Variants in COQ9 observed in about 807,000 individuals in gnomAD.
COQ9 encodes the protein ubiquinone biosynthesis protein COQ9, mitochondrial.
In COQ9, 35 loss-of-function variants were observed where a neutral mutation model predicts 42.4. The observed-to-expected ratio is 0.83, with a 90% CI of 0.63 to 1.10. The LOEUF (loss-of-function observed/expected upper bound fraction) is 1.10, where lower values mean the gene tolerates loss of function less well. COQ9 is among the 50% of genes least tolerant of loss of function. COQ9 has a pLI of 0.00. For synonymous variants in COQ9, 155 were observed against 155.1 expected, an observed-to-expected ratio of 1.00 and a Z score of 0.00; for missense variants, 406 against 414.6, an observed-to-expected ratio of 0.98 and a Z score of 0.18.
At chr16:57,458,036 C>T in intron 5 of COQ9, 2 of 589,466 alleles carry the variant, frequency 3.4e-6, no homozygotes, top group African/African-American at 1.8e-5. Flanking sequence ...TGTGCTTGGG[C>T]TTGCATAAGA....
intron 3 of COQ9, 63 bp from the exon 4 acceptor site, chr16:57,456,441 C>T: frequency 6.4e-7 from 1 of 1,574,564 alleles, no homozygotes; most frequent in South Asian, 1.1e-5. Flanking sequence ...TAGTGATGAA[C>T]AGGCAACAAA....
intron 3 of COQ9, chr16:57,453,481 C>T (rs2030335911): frequency 5.1e-6 from 1 of 194,886 alleles, no homozygotes; most frequent in African/African-American, 2.4e-5. Context: ...AGGCAGCAGG[C>T]TCATGTTCAG....
Position 57,461,143 on chromosome 16 carries a change from C to G in COQ9, c.*519C>G, listed in dbSNP as rs1468908594. 2.2e-6 allele frequency: 1 copy of G among 455,678 alleles called. No individual in the cohort carries two copies. Among genetic ancestry groups the G allele is most frequent in the Admixed American group, 2.3e-5 (1 of 42,576 alleles). The allele number at this position is 455,678 out of a possible 1,614,324, so 28.2% of individuals were successfully genotyped here. On this transcript the variant is annotated 3_prime_UTR_variant, in exon 9 of 9. Coordinates refer to ENST00000262507, the MANE Select transcript of COQ9 (RefSeq NM_020312.4). The stretch of plus-strand genomic sequence containing the variant: ...TGGGAGCCCCCTCAGAAAACTGCCT[C>G]ACCTGAGACAAGTGCCTGCTGGACA...
At position 57,459,608 on chromosome 16, in the gene COQ9, A is replaced by G. The variant is rs566942305; in HGVS notation, c.755A>G (p.Asn252Ser). ...TRRAMLAAIYNTTELVMMQDS... is the reference protein window; with the variant it reads ...TRRAMLAAIYSTTELVMMQDS... Reference sequence around the variant, plus strand: ...CGAGCCATGCTGGCTGCCATCTACAACACAACAGAGCTGGTGATGATGCAG... The same window carrying G: ...CGAGCCATGCTGGCTGCCATCTACAGCACAACAGAGCTGGTGATGATGCAG... Residue 252 changes from asparagine to serine, a missense_variant, in exon 7 of 9, where the codon AAC becomes AGC. Transcript: ENST00000262507. The G allele has an allele frequency of 1.2e-6, 2 of 1,614,150 alleles. No homozygotes were observed. Among genetic ancestry groups the G allele is most frequent in the Admixed American group, 1.7e-5 (1 of 60,014 alleles).
Position 57,456,547 on chromosome 16 carries a change from A to G in COQ9, c.422A>G (p.Asp141Gly), listed in dbSNP as rs376404526. The change falls in exon 4 of 9, where the codon GAT becomes GGT. Residue 141 changes from aspartate to glycine, a missense_variant. Physicochemically the swap from Asp to Gly is moderately conservative, Grantham distance 94. Transcript: ENST00000262507. Reference sequence around the variant, plus strand: ...GCAGCAGCCAGCATGTTCGGGAAGGATGGCAGTGAGCTAATACTGCATTTT... The same window carrying G: ...GCAGCAGCCAGCATGTTCGGGAAGGGTGGCAGTGAGCTAATACTGCATTTT... ...SSAAASMFGK[D>G]GSELILHFVT... is the part of the protein sequence containing the mutation. 12 of 1,614,040 alleles carry G rather than the reference A, an allele frequency of 7.4e-6. No homozygotes were observed. The highest frequency in any genetic ancestry group is 9.3e-6 in the Non-Finnish European group (11 of 1,180,028).
In COQ9 at chr16:57,447,525, C is replaced by G; in HGVS notation, c.20C>G (p.Ser7Cys). MAAAAV[S>C]GALGRAGWRL... ...TCCAAAATGGCGGCGGCGGCGGTAT[C>G]TGGTGCGCTTGGCCGGGCGGGCTGG... Residue 7 changes from serine to cysteine, a missense_variant, in exon 1 of 9, where the codon TCT (serine) becomes TGT (cysteine). Coordinates refer to ENST00000262507, the MANE Select transcript of COQ9 (RefSeq NM_020312.4). The G allele has an allele frequency of 2.3e-6, 3 of 1,310,872 alleles. No individual in the cohort carries two copies. The highest frequency in any genetic ancestry group is 2.9e-6 in the Non-Finnish European group (3 of 1,024,578). 81.2% of individuals were successfully genotyped at this position (1,310,872 alleles called of 1,614,324 possible). A position where few individuals can be genotyped will look rare whatever the true frequency, so the allele number is the denominator to read the frequency against.
At chr16:57,454,019 A>G (rs1378691480) in intron 3 of COQ9, 1 of 152,210 alleles carries the variant, frequency 6.6e-6, no homozygotes, top group Non-Finnish European at 1.5e-5. Context: ...TTTACTTAGA[A>G]GATGTGGTAA....
At chr16:57,447,814 G>A (rs2030165278) in intron 1 of COQ9, 2 of 384,324 alleles carry the variant, frequency 5.2e-6, no homozygotes, top group African/African-American at 4.2e-5. Flanking sequence ...CATGGAGTTG[G>A]CAGAGCCTCA....
intron 8 of COQ9, among the ~76,000 whole-genome samples, 183 bp from the exon 9 acceptor site, chr16:57,460,406 T>G (rs570123178): frequency 5.2e-4 from 79 of 151,892 alleles, no homozygotes; most frequent in Admixed American, 8.5e-4. Context: ...GCATATCATC[T>G]CAGCGATTTG....
At chr16:57,457,512 G>A in intron 5 of COQ9, 1 of 274,618 alleles carries the variant, frequency 3.6e-6, no homozygotes, top group Non-Finnish European at 7.1e-6. Flanking sequence ...GCATATCACA[G>A]TATGGGCCAT....
At chr16:57,450,986 GTCTGAAAGGGTCTTC>G (rs2030272787) in intron 1 of COQ9, 39 bp from the exon 2 acceptor site, 1 of 1,597,070 alleles carries the variant, frequency 6.3e-7, no homozygotes, top group African/African-American at 1.3e-5. Context: ...ACCACTCTGG[GTCTGAAAGGGTCTTC>G]TCTGTTGAAT....
chr16:57,458,810 G>T (rs1009419607), intron 6 of COQ9, among the ~76,000 whole-genome samples: 1 of 152,158 alleles, frequency 6.6e-6, no homozygotes, highest in Non-Finnish European at 1.5e-5. Context: ...CACCAGGAAA[G>T]AATCCGACTT....
chr16:57,455,232 T>C (rs973109171), intron 3 of COQ9, among the ~76,000 whole-genome samples: 3 of 151,852 alleles, frequency 2.0e-5, no homozygotes, highest in Non-Finnish European at 4.4e-5. Flanking sequence ...GAGGACCAGC[T>C]TTGGGGAAGG....
In COQ9 at chr16:57,451,984, A is replaced by G. The variant is rs573362813; in HGVS notation, c.242+776A>G. ...AAAGGTAATACTAATTTACATTTCCATTAGTGTTTTTTTTTCCTAATCCTG... is the reference window on the plus strand; with the variant it reads ...AAAGGTAATACTAATTTACATTTCCGTTAGTGTTTTTTTTTCCTAATCCTG... On this transcript the variant is annotated intron_variant, in intron 2 of 8. Coordinates refer to ENST00000262507, the MANE Select transcript of COQ9 (RefSeq NM_020312.4). 2.0e-5 allele frequency among the ~76,000 whole-genome samples: 3 copies of G among 152,274 alleles called. No homozygotes were observed. The South Asian group carries it at 6.2e-4, about 32-fold the overall frequency.
intron 3 of COQ9, among the ~76,000 whole-genome samples, chr16:57,456,077 GAAAC>G (rs1323053808): frequency 6.6e-6 from 1 of 151,900 alleles, no homozygotes; most frequent in East Asian, 1.9e-4. Flanking sequence ...AAAAAAGAAA[GAAAC>G]AAGAGTGAGG....
chr16:57,447,752 C>G, intron 1 of COQ9, 174 bp downstream of exon 1: 1 of 458,498 alleles, frequency 2.2e-6, no homozygotes, highest in Non-Finnish European at 3.5e-6. Flanking sequence ...CGGCCCTGCT[C>G]CGCTGTCTGT....
At chr16:57,453,769 AAG>A (rs1267804299) in intron 3 of COQ9, 1 of 152,284 alleles carries the variant, frequency 6.6e-6, no homozygotes, top group African/African-American at 2.4e-5. Flanking sequence ...AAATATAAAA[AAG>A]AATGTAGAAA....
chr16:57,452,439 C>T (rs556076776), intron 2 of COQ9, among the ~76,000 whole-genome samples: 5 of 152,290 alleles, frequency 3.3e-5, no homozygotes, highest in South Asian at 4.1e-4. Flanking sequence ...GTCAGGAGTT[C>T]GAGACCAGCC....
At chr16:57,447,881 C>G (rs2030167615) in intron 1 of COQ9, 1 of 300,268 alleles carries the variant, frequency 3.3e-6, no homozygotes, top group Non-Finnish European at 6.1e-6. Flanking sequence ...ACAGAACTGG[C>G]AGTCGCAGAC....
Sources: allele counts gnomAD v4.1 joint callset (sites outside exome capture counted in the v4.1 genomes callset), GRCh38; gene constraint gnomAD v4.1.1; transcripts MANE v1.5; gene names NCBI Gene and HGNC (gene_info 2026-07-23, HGNC 2026-07-21).